Variants in ERI1 observed in about 807,000 individuals in gnomAD.
ERI1 encodes the protein 3'-5' exoribonuclease 1.
Under a neutral mutation model 39.7 loss-of-function variants are expected in ERI1, and 39 were observed. The observed-to-expected ratio is 0.98, with a 90% CI of 0.76 to 1.28. The LOEUF (loss-of-function observed/expected upper bound fraction) is 1.28, where lower values mean the gene tolerates loss of function less well. ERI1 is among the 50% of genes most tolerant of loss of function. The probability of loss-of-function intolerance (pLI) is 0.00; values close to 1 mark genes in which losing one functional copy is unlikely to be tolerated. For missense variants in ERI1, 581 were observed against 416.9 expected (o/e 1.39, Z -3.43); for synonymous variants, 204 against 149.6 (o/e 1.36, Z -2.65).
intron 3 of ERI1, among the ~76,000 whole-genome samples, chr8:9,077,405 C>G (rs1799241509): frequency 6.6e-6 from 1 of 152,130 alleles, no homozygotes; most frequent in African/African-American, 2.4e-5. Context: ...GACAGGTTAA[C>G]AGGAGAAAAG....
At chr8:9,090,449 T>TA (rs1172852627) in intron 3 of ERI1, among the ~76,000 whole-genome samples, 1 of 152,236 alleles carries the variant, frequency 6.6e-6, no homozygotes, top group Non-Finnish European at 1.5e-5. Context: ...TAAGGGTACT[T>TA]ACTCTAGCTT....
intron 3 of ERI1, among the ~76,000 whole-genome samples, chr8:9,080,718 C>T (rs1799342440): frequency 6.6e-6 from 1 of 152,046 alleles, no homozygotes; most frequent in South Asian, 2.1e-4. Flanking sequence ...CCAGTGTGGA[C>T]CTTGGCCACT....
chr8:9,098,995 C>T (rs571406111), intron 3 of ERI1, among the ~76,000 whole-genome samples: 23 of 152,080 alleles, frequency 1.5e-4, no homozygotes, highest in Non-Finnish European at 2.2e-4. Flanking sequence ...CCACCACATC[C>T]GGCTAATTTT....
At chr8:9,095,334 T>C (rs537188768) in intron 3 of ERI1, among the ~76,000 whole-genome samples, 1 of 152,268 alleles carries the variant, frequency 6.6e-6, no homozygotes, top group East Asian at 1.9e-4. Context: ...AGTAGATATC[T>C]TTTCAGTCCT....
At chr8:9,008,707 A>AG (rs1300066595) in intron 2 of ERI1, among the ~76,000 whole-genome samples, 2 of 152,214 alleles carry the variant, frequency 1.3e-5, no homozygotes, top group Admixed American at 1.3e-4. Flanking sequence ...CTAAGTTTTT[A>AG]GTAATTTTTT....
chr8:9,098,751 GA>G (rs1391552102), intron 3 of ERI1, among the ~76,000 whole-genome samples: 1 of 151,998 alleles, frequency 6.6e-6, no homozygotes, highest in Non-Finnish European at 1.5e-5. Context: ...TAAAGAAATA[GA>G]AAAAAATGTT....
chr8:9,012,616 C>G (rs1165382406), intron 3 of ERI1, among the ~76,000 whole-genome samples: 1 of 152,180 alleles, frequency 6.6e-6, no homozygotes, highest in Non-Finnish European at 1.5e-5. Flanking sequence ...AAAATGGCAG[C>G]TATGAAGGCA....
Position 9,011,560 on chromosome 8 carries a change from AAAG to A in ERI1, c.311_313del (p.Lys104del), listed in dbSNP as rs1563312816. Reference sequence around the variant, plus strand: ...TACTTAGAGGAGTAAAGGATGTTCTAAAGAAGAGACTGAAAAACTATTATAAGA... The same window carrying A: ...TACTTAGAGGAGTAAAGGATGTTCTAAAGAGACTGAAAAACTATTATAAGA... On this transcript the variant is annotated inframe_deletion, in exon 3 of 7. Coordinates refer to ENST00000250263, the MANE Select transcript of ERI1 (RefSeq NM_153332.4). 2 of 1,609,726 alleles carry A rather than the reference AAAG, an allele frequency of 1.2e-6. No individual in the cohort carries two copies. Among genetic ancestry groups the A allele is most frequent in the South Asian group, 1.1e-5 (1 of 90,606 alleles).
chr8:9,004,151 T>A, intron 1 of ERI1: 1 of 1,289,316 alleles, frequency 7.8e-7, no homozygotes, highest in Non-Finnish European at 1.0e-6. Flanking sequence ...TTTTGCCCTG[T>A]GTGCACTTCC....
intron 3 of ERI1, among the ~76,000 whole-genome samples, chr8:9,093,829 G>A (rs1174278545): frequency 2.0e-5 from 3 of 152,036 alleles, no homozygotes; most frequent in Admixed American, 6.6e-5. Flanking sequence ...CACTCGCCTC[G>A]GCCTCCCAAA....
intron 3 of ERI1, among the ~76,000 whole-genome samples, chr8:9,099,445 A>G (rs1799980724): frequency 1.4e-5 from 2 of 140,968 alleles, no homozygotes; most frequent in South Asian, 4.3e-4. Context: ...AAAATAAAAA[A>G]TTAGCCAGGT....
chr8:9,067,538 C>T (rs1275008144), intron 3 of ERI1, among the ~76,000 whole-genome samples: 1 of 151,706 alleles, frequency 6.6e-6, no homozygotes, highest in Non-Finnish European at 1.5e-5. Flanking sequence ...ACCTATTGTC[C>T]TAGCTACTTA....
At chr8:9,015,606 C>G (rs567921426) in intron 3 of ERI1, among the ~76,000 whole-genome samples, 13 of 151,782 alleles carry the variant, frequency 8.6e-5, no homozygotes, top group Non-Finnish European at 1.6e-4. Context: ...TCTGTAGTCC[C>G]AGCTAGTTGG....
intron 1 of ERI1, among the ~76,000 whole-genome samples, chr8:9,006,353 A>G (rs1563305933): frequency 6.6e-6 from 1 of 152,198 alleles, no homozygotes; most frequent in Non-Finnish European, 1.5e-5. Context: ...GCATCTATAG[A>G]AGAGGCCTAA....
chr8:9,016,534 C>A, intron 4 of ERI1, 129 bp downstream of exon 4: 4 of 414,578 alleles, frequency 9.6e-6, no homozygotes, highest in Non-Finnish European at 1.7e-5. Flanking sequence ...AAAGATCTTT[C>A]ATGTTGTAAT....
intron 3 of ERI1, among the ~76,000 whole-genome samples, chr8:9,040,738 G>C (rs3989389): frequency 6.6e-6 from 1 of 150,680 alleles, no homozygotes; most frequent in Admixed American, 6.6e-5. Context: ...GTGGGGGGGG[G>C]GTGTGTGTTA....
rs994257132 is a variant in ERI1, at chr8:9,030,591, A to G, written c.*557A>G. 1 of 153,472 alleles carries G rather than the reference A, an allele frequency of 6.5e-6. No homozygotes were observed. The highest frequency in any genetic ancestry group is 3.2e-3 in the Middle Eastern group (1 of 316). 9.5% of individuals were successfully genotyped at this position (153,472 alleles called of 1,614,324 possible). On this transcript the variant is annotated 3_prime_UTR_variant, in exon 7 of 7. Coordinates refer to ENST00000250263, the MANE Select transcript of ERI1 (RefSeq NM_153332.4). ...ATCTGCCTATGTTTCTTTTCAACTCATAATTGGAAGAATTATGATGGATTA... is the reference window on the plus strand; with the variant it reads ...ATCTGCCTATGTTTCTTTTCAACTCGTAATTGGAAGAATTATGATGGATTA...
intron 6 of ERI1, among the ~76,000 whole-genome samples, chr8:9,028,897 T>G (rs773750749): frequency 6.6e-6 from 1 of 152,010 alleles, no homozygotes; most frequent in Admixed American, 6.5e-5. Context: ...GTGCTGGGAT[T>G]ACAGGCGTGA....
chr8:9,018,949 C>T (rs992713997), intron 5 of ERI1, among the ~76,000 whole-genome samples: 9 of 152,126 alleles, frequency 5.9e-5, no homozygotes, highest in African/African-American at 4.8e-5. Flanking sequence ...CTTATAATTT[C>T]TATGGTATAT....
Sources: gnomAD v4.1 joint callset for allele counts (sites outside exome capture counted in the v4.1 genomes callset) on GRCh38, gnomAD v4.1.1 for gene constraint, MANE v1.5 for transcripts, NCBI Gene and HGNC (gene_info 2026-07-23, HGNC 2026-07-21) for gene names.